Variants in USP37 observed in about 807,000 individuals in gnomAD.
USP37 encodes ubiquitin carboxyl-terminal hydrolase 37.
USP37 carries 27 observed loss-of-function variants against 124.0 expected under a neutral mutation model. That is an observed-to-expected ratio of 0.22 (90% confidence interval 0.16 to 0.30). The LOEUF is 0.30. Ranked by LOEUF, USP37 falls within the 10% of genes least tolerant of loss-of-function variation. The pLI is 1.00. For missense variants in USP37, 889 were observed against 1,140.4 expected (o/e 0.78, Z 3.17); for synonymous variants, 365 against 388.0 (o/e 0.94, Z 0.70).
At chr2:218,455,752 T>A (rs772431308) in intron 24 of USP37, 34 bp from the exon 25 acceptor site, 4 of 1,607,340 alleles carry the variant, frequency 2.5e-6, no homozygotes, top group African/African-American at 1.3e-5. Flanking sequence ...TCAAGGTTTT[T>A]AAAAACACAC....
intron 1 of USP37, among the ~76,000 whole-genome samples, chr2:218,566,956 T>A (rs774528832): frequency 1.3e-5 from 2 of 152,118 alleles, no homozygotes; most frequent in Admixed American, 1.3e-4. Flanking sequence ...GGCTTTGGAT[T>A]TGGCTGTGTT....
At chr2:218,517,961 A>G (rs1386225619) in intron 10 of USP37, among the ~76,000 whole-genome samples, 5 of 150,296 alleles carry the variant, frequency 3.3e-5, no homozygotes, top group Non-Finnish European at 7.4e-5. Flanking sequence ...TATTCCCCCC[A>G]CCCCTTTTTT....
chr2:218,555,145 C>T (rs1023995046), intron 4 of USP37, among the ~76,000 whole-genome samples: 1 of 152,176 alleles, frequency 6.6e-6, no homozygotes, highest in Non-Finnish European at 1.5e-5. Context: ...CTTACAGTTT[C>T]TTCATTATCT....
chr2:218,498,308 C>G, intron 11 of USP37, 151 bp from the exon 12 acceptor site: 1 of 736,220 alleles, frequency 1.4e-6, no homozygotes, highest in Non-Finnish European at 2.0e-6. Flanking sequence ...GTTTCTGATT[C>G]AGTAGGTTTG....
chr2:218,510,347 C>T (rs1322099853), intron 10 of USP37, among the ~76,000 whole-genome samples: 6 of 152,154 alleles, frequency 3.9e-5, no homozygotes, highest in African/African-American at 1.2e-4. Flanking sequence ...TAATACAGAA[C>T]ATATTTAACC....
intron 21 of USP37, among the ~76,000 whole-genome samples, chr2:218,464,770 A>AAT (rs1168696617): frequency 1.3e-5 from 2 of 152,220 alleles, no homozygotes; most frequent in African/African-American, 4.8e-5. Context: ...AACATTGAAG[A>AAT]ATAGGTTACT....
intron 4 of USP37, among the ~76,000 whole-genome samples, chr2:218,554,780 GT>G (rs1412395078): frequency 6.7e-6 from 1 of 149,620 alleles, no homozygotes; most frequent in Admixed American, 6.7e-5. Flanking sequence ...TAGAATCTTT[GT>G]CTTTTGTTAA....
chr2:218,555,383 TA>T lies in USP37; in HGVS notation c.157-1660del, dbSNP rs558129998. On this transcript the variant is annotated intron_variant, in intron 4 of 25. Transcript: ENST00000258399. ...ATTTATATTCAAATTTTAAATTATA[TA>T]TGTATTTTTAGCATCAAAGTGGGTC... Among the ~76,000 whole-genome samples, 279 of 152,332 alleles carry T rather than the reference TA, an allele frequency of 1.8e-3. 1 individual carries two copies. Among genetic ancestry groups the T allele is most frequent in the South Asian group, 7.0e-3 (34 of 4,832 alleles).
intron 10 of USP37, among the ~76,000 whole-genome samples, chr2:218,518,526 A>C (rs1022884459): frequency 2.0e-5 from 3 of 152,216 alleles, no homozygotes; most frequent in Non-Finnish European, 4.4e-5. Context: ...GGTAGTACTA[A>C]GAAAGAAAAA....
At chr2:218,488,277 T>A in intron 15 of USP37, 27 bp downstream of exon 15, 2 of 1,444,940 alleles carry the variant, frequency 1.4e-6, no homozygotes, top group Non-Finnish European at 1.9e-6. Flanking sequence ...AATTTAGTTA[T>A]GTGAAAATAC....
At chr2:218,498,226 G>C in intron 11 of USP37, 69 bp from the exon 12 acceptor site, 1 of 1,432,142 alleles carries the variant, frequency 7.0e-7, no homozygotes. Context: ...TATAGTAGGA[G>C]TTCTCCACTT....
In USP37 at chr2:218,474,851, G is replaced by C; in HGVS notation, c.2078C>G (p.Ser693Cys). 1 of 1,613,950 alleles carries C rather than the reference G, an allele frequency of 6.2e-7. No individual in the cohort carries two copies. The highest frequency in any genetic ancestry group is 8.5e-7 in the Non-Finnish European group (1 of 1,180,008). ...GTCAAATCCTGAGTTTTCCAATTCA[G>C]ACTTGTCAGGCTCTATTGGGCATAA... is the stretch of plus-strand genomic sequence containing the variant. ...SKLCPIEPDK[S>C]ELENSGFDRM... The change falls in exon 20 of 26, where the codon TCT becomes TGT. Residue 693 changes from serine (S) to cysteine (C), a missense_variant. Physicochemically the swap from Ser to Cys is moderately radical, Grantham distance 112. Coordinates refer to ENST00000258399, the MANE Select transcript of USP37 (RefSeq NM_020935.3).
In USP37 at chr2:218,556,453, T is replaced by C. The variant is rs57980099; in HGVS notation, c.156+2045A>G. ...GCTTTCTTGTGTTACCTCAGGATCT[T>C]TGTAATGTTTTTACAGCTAAAAATG... On this transcript the variant is annotated intron_variant, in intron 4 of 25. Transcript: ENST00000258399. Among the ~76,000 whole-genome samples, 840 of 152,010 alleles carry C rather than the reference T, an allele frequency of 5.5e-3. 8 individuals are homozygous for C. The highest frequency in any genetic ancestry group is 0.02 in the African/African-American group (811 of 41,474).
intron 11 of USP37, among the ~76,000 whole-genome samples, chr2:218,502,664 C>T (rs1689449335): frequency 6.6e-6 from 1 of 152,046 alleles, no homozygotes; most frequent in Non-Finnish European, 1.5e-5. Flanking sequence ...TCTTGAAAAG[C>T]AGTCAGAGAA....
intron 13 of USP37, among the ~76,000 whole-genome samples, chr2:218,496,440 G>A (rs574300208): frequency 1.3e-5 from 2 of 152,262 alleles, no homozygotes; most frequent in East Asian, 3.9e-4. Flanking sequence ...AATTTGGGGA[G>A]CTGCATATTT....
chr2:218,509,166 A>T (rs954050600), intron 11 of USP37, among the ~76,000 whole-genome samples: 2 of 152,224 alleles, frequency 1.3e-5, no homozygotes, highest in Non-Finnish European at 1.5e-5. Flanking sequence ...GTTCTGTATT[A>T]ATATACATAG....
At chr2:218,463,617 G>A (rs1362264311) in intron 21 of USP37, among the ~76,000 whole-genome samples, 1 of 138,108 alleles carries the variant, frequency 7.2e-6, no homozygotes, top group Non-Finnish European at 1.5e-5. Context: ...CTCAATGCAA[G>A]CTCCGCCTCC....
chr2:218,495,086 AAAGTGTATAATAAAGTATTTAAATTT>A, intron 14 of USP37, among the ~76,000 whole-genome samples: 1 of 152,336 alleles, frequency 6.6e-6, no homozygotes, highest in Non-Finnish European at 1.5e-5. Flanking sequence ...AGGCAATACT[AAAGTGTATAATAAAGTATTTAAATTT>A]TCCTCAGTTC....
At chr2:218,551,435 C>T (rs1234818071) in intron 5 of USP37, among the ~76,000 whole-genome samples, 1 of 152,328 alleles carries the variant, frequency 6.6e-6, no homozygotes, top group Admixed American at 6.5e-5. Flanking sequence ...AGCTCTCATT[C>T]TTTAAGAAGC....
Sources: allele counts gnomAD v4.1 joint callset (sites outside exome capture counted in the v4.1 genomes callset), GRCh38; gene constraint gnomAD v4.1.1; transcripts MANE v1.5; gene names NCBI Gene and HGNC (gene_info 2026-07-23, HGNC 2026-07-21).